ADAMTS12: variants seen among roughly 807,000 people sequenced by gnomAD.
ADAMTS12 encodes the protein ADAM metallopeptidase with thrombospondin type 1 motif 12.
Under a neutral mutation model 167.8 loss-of-function variants are expected in ADAMTS12, and 118 were observed. The ratio of observed to expected loss-of-function variants is 0.70; its 90% confidence interval spans 0.61 to 0.82. The LOEUF (loss-of-function observed/expected upper bound fraction) is 0.82, where lower values mean the gene tolerates loss of function less well. Among genes scored for constraint, ADAMTS12 ranks in the 40% least tolerant of loss-of-function variants. ADAMTS12 has a pLI of 0.00. For synonymous variants in ADAMTS12, 704 were observed against 716.9 expected (o/e 0.98, Z 0.29); for missense variants, 1,916 against 1,998.8 (o/e 0.96, Z 0.79).
chr5:33,574,462 T>A (rs1176824311), intron 19 of ADAMTS12, among the ~76,000 whole-genome samples: 1 of 152,242 alleles, frequency 6.6e-6, no homozygotes, highest in South Asian at 2.1e-4. Context: ...ATGGATGAAA[T>A]TGGAAATCAT....
intron 2 of ADAMTS12, among the ~76,000 whole-genome samples, chr5:33,762,401 G>A (rs1034466144): frequency 2.0e-5 from 3 of 148,880 alleles, no homozygotes; most frequent in East Asian, 2.0e-4. Context: ...CCAGCTACTC[G>A]GGAGGCTGAG....
At chr5:33,644,332 C>T (rs1306678689) in intron 9 of ADAMTS12, among the ~76,000 whole-genome samples, 4 of 152,128 alleles carry the variant, frequency 2.6e-5, no homozygotes, top group Non-Finnish European at 5.9e-5. Context: ...TATATGAAAA[C>T]CGAAGAAACT....
In ADAMTS12 at chr5:33,596,057, AT is replaced by A; in HGVS notation, c.2530del (p.Ile844SerfsTer9). On this transcript the variant is annotated frameshift_variant and splice_region_variant, in exon 17 of 24. Transcript: ENST00000504830. LOFTEE classifies it high-confidence loss of function. The part of the protein sequence containing the change: ...TECSVTCGTG[I>X]RRQTAHCIKK... ...TATGCAATGGGCAGTTTGGCGGCGG[AT>A]ACCTGGGGGTCAGACAGAAAGATTC... 6.2e-7 allele frequency: 1 copy of A among 1,613,946 alleles called. No individual in the cohort carries two copies. The highest frequency in any genetic ancestry group is 8.5e-7 in the Non-Finnish European group (1 of 1,179,924).
At chr5:33,585,711 T>A (rs927376139) in intron 18 of ADAMTS12, among the ~76,000 whole-genome samples, 1 of 152,202 alleles carries the variant, frequency 6.6e-6, no homozygotes, top group African/African-American at 2.4e-5. Context: ...AAAACCAGGA[T>A]AAGATTCTTG....
At chr5:33,673,478 C>T (rs139795431) in intron 5 of ADAMTS12, among the ~76,000 whole-genome samples, 1 of 152,240 alleles carries the variant, frequency 6.6e-6, no homozygotes, top group Non-Finnish European at 1.5e-5. Flanking sequence ...ATGCCAGTGT[C>T]TTGTTATCCC....
At chr5:33,692,955 T>TGGAA (rs1462740108) in intron 3 of ADAMTS12, among the ~76,000 whole-genome samples, 2 of 152,230 alleles carry the variant, frequency 1.3e-5, no homozygotes, top group Non-Finnish European at 2.9e-5. Flanking sequence ...GACACTATGC[T>TGGAA]TGGAAACCTC....
chr5:33,719,978 T>C (rs1743750026), intron 3 of ADAMTS12, among the ~76,000 whole-genome samples: 1 of 152,182 alleles, frequency 6.6e-6, no homozygotes, highest in Non-Finnish European at 1.5e-5. Flanking sequence ...TACCTAAATG[T>C]TATTTGTTGG....
chr5:33,740,530 C>T (rs538185551), intron 3 of ADAMTS12, among the ~76,000 whole-genome samples: 11 of 152,204 alleles, frequency 7.2e-5, no homozygotes, highest in East Asian at 1.9e-4. Context: ...ACCTGGATGA[C>T]GGGGATGCGG....
At chr5:33,820,786 G>C (rs1217910337) in intron 2 of ADAMTS12, among the ~76,000 whole-genome samples, 2 of 152,200 alleles carry the variant, frequency 1.3e-5, no homozygotes, top group African/African-American at 4.8e-5. Context: ...AGAATATTAT[G>C]CAGCATGAAA....
At chr5:33,799,004 A>G (rs1199682361) in intron 2 of ADAMTS12, among the ~76,000 whole-genome samples, 2 of 152,080 alleles carry the variant, frequency 1.3e-5, no homozygotes, top group African/African-American at 4.8e-5. Context: ...AACTTTTTCT[A>G]CCTGGAGCTC....
chr5:33,723,071 T>G (rs1284261242), intron 3 of ADAMTS12, among the ~76,000 whole-genome samples: 2 of 152,078 alleles, frequency 1.3e-5, no homozygotes, highest in African/African-American at 4.8e-5. Flanking sequence ...ATGGATGGCT[T>G]TGAAAGCTCA....
At chr5:33,818,040 T>C (rs1256063924) in intron 2 of ADAMTS12, among the ~76,000 whole-genome samples, 3 of 152,150 alleles carry the variant, frequency 2.0e-5, no homozygotes, top group Non-Finnish European at 1.5e-5. Context: ...ATAGGATATA[T>C]GTAGACAGCA....
intron 19 of ADAMTS12, among the ~76,000 whole-genome samples, chr5:33,569,320 T>G (rs7709571): frequency 6.6e-6 from 1 of 151,950 alleles, no homozygotes; most frequent in Non-Finnish European, 1.5e-5. Context: ...CCCTGTTCCC[T>G]GAGCAGCCTA....
chr5:33,784,576 A>C (rs915855997), intron 2 of ADAMTS12, among the ~76,000 whole-genome samples: 2 of 152,092 alleles, frequency 1.3e-5, no homozygotes, highest in Admixed American at 6.5e-5. Context: ...GAAACTAAGA[A>C]AGCAGTTTCA....
intron 2 of ADAMTS12, among the ~76,000 whole-genome samples, chr5:33,832,654 G>A (rs974354809): frequency 8.5e-5 from 13 of 152,160 alleles, no homozygotes; most frequent in African/African-American, 2.2e-4. Flanking sequence ...AGGCACTAGC[G>A]GGGTGGTGGT....
chr5:33,621,399 CAAAA>C (rs202182365), intron 14 of ADAMTS12, among the ~76,000 whole-genome samples: 5 of 82,104 alleles, frequency 6.1e-5, no homozygotes, highest in African/African-American at 9.4e-5. Flanking sequence ...GACTCCATCT[CAAAA>C]AAAAAAAAAA....
At chr5:33,826,722 C>T (rs1474620996) in intron 2 of ADAMTS12, among the ~76,000 whole-genome samples, 1 of 151,854 alleles carries the variant, frequency 6.6e-6, no homozygotes, top group Admixed American at 6.6e-5. Flanking sequence ...AAACTAATAG[C>T]AATTTATAAT....
chr5:33,723,139 C>T (rs946042408), intron 3 of ADAMTS12, among the ~76,000 whole-genome samples: 2 of 152,176 alleles, frequency 1.3e-5, no homozygotes, highest in African/African-American at 4.8e-5. Context: ...ATGCCTTGCT[C>T]TCCTCCTATG....
At chr5:33,680,640 A>T (rs1349031438) in intron 5 of ADAMTS12, among the ~76,000 whole-genome samples, 1 of 152,174 alleles carries the variant, frequency 6.6e-6, no homozygotes, top group African/African-American at 2.4e-5. Context: ...TCAAAAGTCA[A>T]AAACACAATT....
Sources: allele counts gnomAD v4.1 joint callset (sites outside exome capture counted in the v4.1 genomes callset), GRCh38; gene constraint gnomAD v4.1.1; transcripts MANE v1.5; gene names NCBI Gene and HGNC (gene_info 2026-07-23, HGNC 2026-07-21).